Variants in SLC5A2 observed in about 807,000 individuals in gnomAD.
The protein encoded by SLC5A2 is solute carrier family 5 member 2.
A neutral mutation model predicts 69.0 loss-of-function variants in SLC5A2; 67 were observed. The observed-to-expected ratio is 0.97, with a 90% CI of 0.80 to 1.19. The LOEUF is 1.19. SLC5A2 is among the 50% of genes most tolerant of loss of function. The probability of loss-of-function intolerance (pLI) is 0.00; values close to 1 mark genes in which losing one functional copy is unlikely to be tolerated. For missense variants in SLC5A2, 1,001 were observed against 921.5 expected, an observed-to-expected ratio of 1.09 and a Z score of -1.12; for synonymous variants, 455 against 395.8, an observed-to-expected ratio of 1.15 and a Z score of -1.78.
chr16:31,486,870 C>T (rs978541222), intron 5 of SLC5A2, among the ~76,000 whole-genome samples: 5 of 152,164 alleles, frequency 3.3e-5, no homozygotes, highest in Non-Finnish European at 5.9e-5. Context: ...CATGGTGAAA[C>T]CCCGTCTCTA....
intron 1 of SLC5A2, among the ~76,000 whole-genome samples, chr16:31,483,779 G>T (rs1054004772): frequency 2.0e-5 from 3 of 151,912 alleles, no homozygotes; most frequent in African/African-American, 7.3e-5. Flanking sequence ...AGAGAGAGGG[G>T]TCTCACCATG....
Position 31,488,087 on chromosome 16 carries a change from C to A in SLC5A2, c.935C>A (p.Ala312Glu). ...GGGAAGAGCCTGACCCACATCAAGG[C>A]GGGCTGCATCCTGTGTGGGTACCTG... ...LAGKSLTHIK[A>E]GCILCGYLKL... The change falls in exon 8 of 14, where the codon GCG becomes GAG. Residue 312 changes from alanine to glutamate, a missense_variant. Transcript: ENST00000330498. 1 of 1,614,012 alleles carries A rather than the reference C, an allele frequency of 6.2e-7. No individual in the cohort carries two copies. Among genetic ancestry groups the A allele is most frequent in the Non-Finnish European group, 8.5e-7 (1 of 1,179,964 alleles).
chr16:31,488,221 G>A (rs751590707), intron 8 of SLC5A2, 48 bp downstream of exon 8: 9 of 1,613,666 alleles, frequency 5.6e-6, no homozygotes, highest in Non-Finnish European at 7.6e-6. Context: ...CCGGGCGCCC[G>A]TCGCCCAGTT....
At chr16:31,483,607 G>A (rs1420069607) in intron 1 of SLC5A2, among the ~76,000 whole-genome samples, 2 of 152,164 alleles carry the variant, frequency 1.3e-5, no homozygotes, top group Admixed American at 6.5e-5. Flanking sequence ...ATCCTGGGGA[G>A]TTGGGATGGA....
At position 31,489,209 on chromosome 16, in the gene SLC5A2, G is replaced by A. The variant is rs2082534546; in HGVS notation, c.1536G>A (p.Val512=). The change falls in exon 12 of 14, where the codon GTG becomes GTA. Residue 512 remains valine, a synonymous_variant. Transcript: ENST00000330498. The stretch of plus-strand genomic sequence containing the variant: ...TCTCCTTCGGCTCGGGCAGCTGTGT[G>A]CAGCCCTCGGCGTGCCCAGCTTTCC... The part of the protein sequence containing the change: ...PEFSFGSGSC[V]QPSACPAFLC... The A allele has an allele frequency of 9.3e-6, 15 of 1,610,106 alleles. No individual in the cohort carries two copies. The highest frequency in any genetic ancestry group is 1.3e-5 in the Non-Finnish European group (15 of 1,180,006).
In SLC5A2 at chr16:31,485,784, CG is replaced by C; in HGVS notation, c.364del (p.Val122SerfsTer65). On this transcript the variant is annotated frameshift_variant, in exon 4 of 14. Coordinates refer to ENST00000330498, the MANE Select transcript of SLC5A2 (RefSeq NM_003041.4). LOFTEE classifies it high-confidence loss of function. Reference protein sequence around the residue: ...GWLFAPVYLTAGVITMPQYLR... With the variant: ...GWLFAPVYLTXGVITMPQYLR... ...CTGTTTGCACCCGTGTACCTGACAG[CG>C]GGGGTCATCACGATGCCACAGTACC... The C allele has an allele frequency of 1.2e-6, 2 of 1,613,668 alleles. No homozygotes were observed.
chr16:31,488,863 G>A lies in SLC5A2; in HGVS notation c.1281-17G>A, dbSNP rs369651219. 1 of 1,603,676 alleles carries A rather than the reference G, an allele frequency of 6.2e-7. No individual in the cohort carries two copies. The highest frequency in any genetic ancestry group is 1.3e-5 in the African/African-American group (1 of 74,912). On this transcript the variant is annotated splice_polypyrimidine_tract_variant and intron_variant, in intron 10 of 13. Transcript: ENST00000330498. ...GGAGCCCAGGGTCCGGGTTCGATCC[G>A]ACGGCCTCCGCCGCAGGCTCTGGGT... is the stretch of plus-strand genomic sequence containing the variant.
intron 6 of SLC5A2, 52 bp from the exon 7 acceptor site, chr16:31,487,478 G>T (rs1216346416): frequency 5.6e-6 from 9 of 1,610,744 alleles, no homozygotes; most frequent in Non-Finnish European, 6.8e-6. Flanking sequence ...GCCGTTGCGC[G>T]TCTCCGGTCT....
chr16:31,490,520 G>C lies in SLC5A2; in HGVS notation c.2004G>C (p.Trp668Cys), dbSNP rs1388190141. Residue 668 changes from tryptophan (W) to cysteine (C), a missense_variant, in exon 14 of 14, where the codon TGG becomes TGC. Transcript: ENST00000330498. ...TGATGGCAGTGGCCGTGTTCCTCTG[G>C]GGCTTCTATGCCTAAGACCAACTGC... ...LLMMAVAVFLWGFYA is the reference protein window; with the variant it reads ...LLMMAVAVFLCGFYA 3.7e-6 allele frequency: 6 copies of C among 1,612,040 alleles called. No homozygotes were observed. Among genetic ancestry groups the C allele is most frequent in the African/African-American group, 1.3e-5 (1 of 74,912 alleles).
At chr16:31,488,859 A>ATCCGACGGCC in intron 10 of SLC5A2, 21 bp from the exon 11 acceptor site, 1 of 1,603,548 alleles carries the variant, frequency 6.2e-7, no homozygotes, top group Non-Finnish European at 8.5e-7. Context: ...TCCGGGTTCG[A>ATCCGACGGCC]TCCGACGGCC....
intron 12 of SLC5A2, chr16:31,489,840 C>A: frequency 2.0e-6 from 1 of 501,830 alleles, no homozygotes. Flanking sequence ...CAAGCGCTAC[C>A]ATCTGGGTGT....
Position 31,487,571 on chromosome 16 carries a change from T to TA in SLC5A2, c.698dup (p.Tyr233Ter). 1 of 1,613,878 alleles carries TA rather than the reference T, an allele frequency of 6.2e-7. No individual in the cohort carries two copies. Among genetic ancestry groups the TA allele is most frequent in the Non-Finnish European group, 8.5e-7 (1 of 1,179,982 alleles). The change falls in exon 7 of 14, where the codon TAC becomes TAAC. Residue 233 changes from tyrosine (Y) to a stop codon, truncating the protein, a stop_gained and frameshift_variant. Coordinates refer to ENST00000330498, the MANE Select transcript of SLC5A2 (RefSeq NM_003041.4). LOFTEE classifies it high-confidence loss of function. ...VGGYSGLFDKYLGAATSLTVS... is the reference protein window; with the variant it reads ...VGGYSGLFDK ...CGGGTATTCGGGTCTCTTCGACAAATACCTGGGAGCAGCGACTTCGCTGAC... is the reference window on the plus strand; with the variant it reads ...CGGGTATTCGGGTCTCTTCGACAAATAACCTGGGAGCAGCGACTTCGCTGAC...
In SLC5A2 at chr16:31,487,717, C is replaced by A. The variant is rs1221617003; in HGVS notation, c.843C>A (p.Leu281=). The A allele has an allele frequency of 3.1e-6, 5 of 1,612,640 alleles. No homozygotes were observed. The highest frequency in any genetic ancestry group is 3.4e-6 in the Non-Finnish European group (4 of 1,179,886). ...TGDLPWPALL[L]GLTIVSGWYW... ...ATCTGCCGTGGCCCGCGCTGCTCCT[C>A]GGACTCACAATCGTCTCGGGCTGGT... The change falls in exon 7 of 14, where the codon CTC becomes CTA. Residue 281 remains leucine, a synonymous_variant. Transcript: ENST00000330498.
chr16:31,488,550 T>C (rs562708706), intron 9 of SLC5A2, 60 bp downstream of exon 9: 2 of 1,601,800 alleles, frequency 1.2e-6, no homozygotes, highest in East Asian at 4.5e-5. Context: ...CTGGGAGGGG[T>C]CGTCCCTCGC....
chr16:31,485,152 C>T, intron 3 of SLC5A2: 1 of 629,880 alleles, frequency 1.6e-6, no homozygotes, highest in Non-Finnish European at 2.9e-6. Context: ...CAGCCTGCAC[C>T]AGCCACTGCC....
intron 8 of SLC5A2, 101 bp from the exon 9 acceptor site, chr16:31,488,282 C>T: frequency 6.2e-7 from 1 of 1,601,488 alleles, no homozygotes; most frequent in Non-Finnish European, 8.5e-7. Flanking sequence ...CCGCCTCCCT[C>T]CGGGGGTCGC....
rs373741171 is a variant in SLC5A2, at chr16:31,484,706, G to A, written c.160G>A (p.Gly54Ser). 9.4e-5 allele frequency: 152 copies of A among 1,609,306 alleles called. 1 individual carries two copies. Among genetic ancestry groups the A allele is most frequent in the Non-Finnish European group, 1.2e-4 (142 of 1,180,026 alleles). ...MCRTNRGTVG[G>S]YFLAGRSMVW... is the part of the protein sequence containing the mutation. ...CAGAACCAACAGAGGCACTGTGGGC[G>A]GCTACTTCCTGGCAGGACGCAGCAT... The change falls in exon 2 of 14, where the codon GGC becomes AGC. Residue 54 changes from glycine (G) to serine (S), a missense_variant. Gly to Ser is a moderately conservative substitution (Grantham distance 56). Coordinates refer to ENST00000330498, the MANE Select transcript of SLC5A2 (RefSeq NM_003041.4).
At chr16:31,487,252 C>T (rs927119653) in intron 5 of SLC5A2, 68 bp from the exon 6 acceptor site, 39 of 1,400,754 alleles carry the variant, frequency 2.8e-5, no homozygotes, top group Middle Eastern at 1.8e-4. Flanking sequence ...CCCACAAAGA[C>T]GCCTTATTGC....
chr16:31,490,756 G>A lies in SLC5A2; in HGVS notation c.*221G>A, dbSNP rs1473841579. The A allele has an allele frequency of 6.7e-7, 1 of 1,503,314 alleles. No homozygotes were observed. The highest frequency in any genetic ancestry group is 9.2e-7 in the Non-Finnish European group (1 of 1,082,900). The allele number at this position is 1,503,314 out of a possible 1,614,324, so 93.1% of individuals were successfully genotyped here. On this transcript the variant is annotated 3_prime_UTR_variant, in exon 14 of 14. Coordinates refer to ENST00000330498, the MANE Select transcript of SLC5A2 (RefSeq NM_003041.4). ...AGTTGCCCTAAGGAAAAATAAAGCT[G>A]CCTTTCCCCTGTCCTGCTGTGGCCA...
Sources: gnomAD v4.1 joint callset for allele counts (sites outside exome capture counted in the v4.1 genomes callset) on GRCh38, gnomAD v4.1.1 for gene constraint, MANE v1.5 for transcripts, NCBI Gene and HGNC (gene_info 2026-07-23, HGNC 2026-07-21) for gene names.